The following CNGB1 variants were observed in gnomAD, a reference collection of about 807,000 sequenced individuals.
CNGB1 encodes cyclic nucleotide gated channel subunit beta 1.
A neutral mutation model predicts 151.7 loss-of-function variants in CNGB1; 126 were observed. The observed-to-expected ratio is 0.83, with a 90% confidence interval of 0.72 to 0.96. The LOEUF (loss-of-function observed/expected upper bound fraction) is 0.96. Ranked by LOEUF, CNGB1 falls within the 40% of genes least tolerant of loss-of-function variation. The pLI, the probability that CNGB1 is intolerant of heterozygous loss-of-function variation, is 0.00. For synonymous variants in CNGB1, 623 were observed against 635.1 expected, an observed-to-expected ratio of 0.98 and a Z score of 0.29; for missense variants, 1,698 against 1,627.0, an observed-to-expected ratio of 1.04 and a Z score of -0.75.
At chr16:57,945,706 G>T (rs1405730362) in intron 14 of CNGB1, among the ~76,000 whole-genome samples, 3 of 152,200 alleles carry the variant, frequency 2.0e-5, no homozygotes. Flanking sequence ...TTACTGGCAG[G>T]GCTCTGTCTC....
At chr16:57,894,122 T>C (rs1465703877) in intron 31 of CNGB1, among the ~76,000 whole-genome samples, 1 of 152,198 alleles carries the variant, frequency 6.6e-6, no homozygotes, top group Non-Finnish European at 1.5e-5. Context: ...CTGTTTGTAA[T>C]TGCAAAATTG....
chr16:57,965,840 T>C (rs1962383441), intron 2 of CNGB1, among the ~76,000 whole-genome samples: 2 of 152,196 alleles, frequency 1.3e-5, no homozygotes, highest in African/African-American at 4.8e-5. Context: ...CATGCATTCA[T>C]GTACATATAC....
intron 10 of CNGB1, 38 bp downstream of exon 10, chr16:57,959,850 G>A: frequency 6.8e-7 from 1 of 1,468,752 alleles, no homozygotes; most frequent in Non-Finnish European, 9.0e-7. Flanking sequence ...TGCTCATCCT[G>A]CTCCCTGGTG....
At chr16:57,939,618 A>C (rs1196851875) in intron 15 of CNGB1, 26 bp from the exon 16 acceptor site, 1 of 1,613,932 alleles carries the variant, frequency 6.2e-7, no homozygotes, top group African/African-American at 1.3e-5. Flanking sequence ...TGAAAACAGA[A>C]ACTGTGACCA....
chr16:57,936,167 C>T (rs564658558), intron 16 of CNGB1, among the ~76,000 whole-genome samples: 3 of 152,176 alleles, frequency 2.0e-5, no homozygotes, highest in Non-Finnish European at 4.4e-5. Flanking sequence ...AAGGCCACTA[C>T]GGGGACCTTG....
chr16:57,950,975 G>T (rs1341146828), intron 12 of CNGB1, among the ~76,000 whole-genome samples: 1 of 152,138 alleles, frequency 6.6e-6, no homozygotes, highest in South Asian at 2.1e-4. Flanking sequence ...GAGCTTGCCC[G>T]CTTCCTGCTC....
intron 16 of CNGB1, among the ~76,000 whole-genome samples, chr16:57,932,941 G>A (rs187365909): frequency 2.0e-5 from 3 of 151,754 alleles, no homozygotes; most frequent in African/African-American, 7.3e-5. Context: ...GGGGGGGCGG[G>A]TCTCACTCTG....
rs541893675 is a variant in CNGB1, at chr16:57,931,813, T to G, written c.1438A>C (p.Met480Leu). Residue 480 changes from methionine (M) to leucine (L), a missense_variant, in exon 17 of 33, where the codon ATG becomes CTG. Coordinates refer to ENST00000251102, the MANE Select transcript of CNGB1 (RefSeq NM_001297.5). ...GTTGAGGGTGGATTCTCTTCTGCCA[T>G]GAGGGGGCAGCTATCAGCATCAGTA... Reference protein sequence around the residue: ...EDTDADSCPLMAEENPPSTVL... With the variant: ...EDTDADSCPLLAEENPPSTVL... 32 of 1,613,994 alleles carry G rather than the reference T, an allele frequency of 2.0e-5. No individual in the cohort carries two copies. The Admixed American group carries it at 5.3e-4, about 27-fold the overall frequency.
intron 19 of CNGB1, 74 bp from the exon 20 acceptor site, chr16:57,919,328 A>C: frequency 6.2e-6 from 10 of 1,611,336 alleles, no homozygotes; most frequent in Non-Finnish European, 7.6e-6. Context: ...AAGGGTCCCA[A>C]CTGCAGACCT....
intron 10 of CNGB1, 119 bp downstream of exon 10, chr16:57,959,769 A>G: frequency 4.8e-6 from 6 of 1,240,502 alleles, no homozygotes; most frequent in Non-Finnish European, 6.3e-6. Flanking sequence ...TGCCTTGGGA[A>G]GGAGGCTGCA....
chr16:57,908,647 C>T (rs951560322), intron 25 of CNGB1, among the ~76,000 whole-genome samples: 2 of 152,208 alleles, frequency 1.3e-5, no homozygotes, highest in African/African-American at 4.8e-5. Context: ...AGAGAAGTGG[C>T]CTGTCTCCGC....
intron 17 of CNGB1, among the ~76,000 whole-genome samples, chr16:57,923,814 C>G (rs1961113668): frequency 6.6e-6 from 1 of 152,176 alleles, no homozygotes; most frequent in Non-Finnish European, 1.5e-5. Flanking sequence ...AAGTCACCCA[C>G]CTCATTCCCC....
Position 57,882,871 on chromosome 16 carries a change from G to T in CNGB1, c.*1293C>A, listed in dbSNP as rs566877834. The T allele has an allele frequency of 6.7e-6, 1 of 148,406 alleles. No homozygotes were observed. The highest frequency in any genetic ancestry group is 6.8e-5 in the Admixed American group (1 of 14,652). The allele number at this position is 148,406 out of a possible 1,614,324, so 9.2% of individuals were successfully genotyped here. Reference sequence around the variant, plus strand: ...GAAAGCTTTAGGGAATGTAAGTGCTGTCATCAGCTGGGAGATTTCATTTTC... The same window carrying T: ...GAAAGCTTTAGGGAATGTAAGTGCTTTCATCAGCTGGGAGATTTCATTTTC... On this transcript the variant is annotated 3_prime_UTR_variant, in exon 33 of 33. Coordinates refer to ENST00000251102, the MANE Select transcript of CNGB1 (RefSeq NM_001297.5).
In CNGB1 at chr16:57,887,769, T is replaced by C. The variant is rs1959971040; in HGVS notation, c.3462+86A>G. Reference sequence around the variant, plus strand: ...GGAGGGGGAAGACCCTAAAACTAAATGTGTGGCCCACTCTTGGAGACCCCT... The same window carrying C: ...GGAGGGGGAAGACCCTAAAACTAAACGTGTGGCCCACTCTTGGAGACCCCT... On this transcript the variant is annotated intron_variant, in intron 32 of 32. Transcript: ENST00000251102. 4 of 1,295,896 alleles carry C rather than the reference T, an allele frequency of 3.1e-6. No homozygotes were observed. In the African/African-American group the frequency reaches 4.4e-5, roughly 14 times the overall value. The allele number at this position is 1,295,896 out of a possible 1,614,324, so 80.3% of individuals were successfully genotyped here. A position where few individuals can be genotyped will look rare whatever the true frequency, so the allele number is the denominator to read the frequency against.
intron 12 of CNGB1, among the ~76,000 whole-genome samples, chr16:57,953,033 G>T (rs11858999): frequency 0.24 from 37,082 of 152,026 alleles, 4,866 homozygotes; most frequent in African/African-American, 0.33. Context: ...TCTACAGGCA[G>T]CTGATTCATA....
At chr16:57,913,789 C>T (rs1293517340) in intron 23 of CNGB1, among the ~76,000 whole-genome samples, 1 of 152,186 alleles carries the variant, frequency 6.6e-6, no homozygotes, top group East Asian at 1.9e-4. Context: ...CCAGCACATA[C>T]ATTTATATAC....
intron 22 of CNGB1, among the ~76,000 whole-genome samples, 160 bp from the exon 23 acceptor site, chr16:57,915,495 C>T (rs1015713996): frequency 4.6e-5 from 7 of 152,180 alleles, no homozygotes; most frequent in Non-Finnish European, 8.8e-5. Context: ...ACCGACAAGC[C>T]CTTGTTTGGC....
chr16:57,950,595 G>A, intron 12 of CNGB1, 55 bp from the exon 13 acceptor site: 7 of 1,599,294 alleles, frequency 4.4e-6, no homozygotes, highest in Non-Finnish European at 4.3e-6. Context: ...GTGGGCTTGG[G>A]CCTCTGAGTC....
chr16:57,925,964 C>A (rs691664), intron 17 of CNGB1, among the ~76,000 whole-genome samples: 99,776 of 152,082 alleles, frequency 0.66, 33,180 homozygotes, highest in African/African-American at 0.77. Context: ...CTGGGATTAC[C>A]GGCATGAGCC....
Sources: gnomAD v4.1 joint callset for allele counts (sites outside exome capture counted in the v4.1 genomes callset) on GRCh38, gnomAD v4.1.1 for gene constraint, MANE v1.5 for transcripts, NCBI Gene and HGNC (gene_info 2026-07-23, HGNC 2026-07-21) for gene names.